OXR1: variants seen among roughly 807,000 people sequenced by gnomAD.
OXR1 encodes oxidation resistance protein 1.
A neutral mutation model predicts 104.6 loss-of-function variants in OXR1; 41 were observed. The ratio of observed to expected loss-of-function variants is 0.39; its 90% CI spans 0.31 to 0.51. OXR1 has a LOEUF of 0.51. Among genes scored for constraint, OXR1 ranks in the 20% least tolerant of loss-of-function variants. The pLI, the probability that OXR1 is intolerant of heterozygous loss-of-function variation, is 0.77. For missense variants in OXR1, 955 were observed against 1,031.9 expected (o/e 0.93, Z 1.02); for synonymous variants, 348 against 348.4 (o/e 1.00, Z 0.01).
intron 1 of OXR1, among the ~76,000 whole-genome samples, chr8:106,304,641 A>C (rs1314276090): frequency 6.6e-6 from 1 of 152,192 alleles, no homozygotes; most frequent in Non-Finnish European, 1.5e-5. Flanking sequence ...ACAAAAAAGC[A>C]TTACTGCAAT....
intron 3 of OXR1, among the ~76,000 whole-genome samples, chr8:106,595,366 A>T (rs753697874): frequency 2.4e-4 from 36 of 152,180 alleles, no homozygotes; most frequent in Non-Finnish European, 4.7e-4. Flanking sequence ...CCTGGCCAAC[A>T]TAGCGAAACC....
At chr8:106,366,245 A>G (rs1278121618) in intron 2 of OXR1, among the ~76,000 whole-genome samples, 8 of 152,228 alleles carry the variant, frequency 5.3e-5, no homozygotes, top group Non-Finnish European at 7.3e-5. Flanking sequence ...AAGACTTTTC[A>G]TCATTCTCAA....
At chr8:106,422,463 A>T (rs1390621487) in intron 2 of OXR1, among the ~76,000 whole-genome samples, 2 of 152,218 alleles carry the variant, frequency 1.3e-5, no homozygotes, top group Non-Finnish European at 2.9e-5. Context: ...TTAGAAAAAG[A>T]CAATAAATAT....
At chr8:106,522,221 TTGG>T (rs1813314250) in intron 3 of OXR1, among the ~76,000 whole-genome samples, 1 of 152,144 alleles carries the variant, frequency 6.6e-6, no homozygotes. Context: ...GTAGAGGGGA[TTGG>T]TTCCAGAACC....
chr8:106,312,683 G>A (rs1813759495), intron 1 of OXR1, among the ~76,000 whole-genome samples: 1 of 152,172 alleles, frequency 6.6e-6, no homozygotes, highest in Non-Finnish European at 1.5e-5. Context: ...AAGTCTTATG[G>A]TGTTACTTGT....
chr8:106,492,227 ACTG>A (rs1205953316), intron 2 of OXR1, among the ~76,000 whole-genome samples: 2 of 152,150 alleles, frequency 1.3e-5, no homozygotes, highest in Non-Finnish European at 2.9e-5. Context: ...TTACTTTCTG[ACTG>A]CTATTTAACT....
chr8:106,298,347 G>C (rs544280267), intron 1 of OXR1, among the ~76,000 whole-genome samples: 7 of 152,154 alleles, frequency 4.6e-5, no homozygotes, highest in Non-Finnish European at 1.5e-5. Context: ...GCAAGAGAAC[G>C]TGTGCCGGGG....
At chr8:106,655,506 G>A (rs1824974882) in intron 3 of OXR1, among the ~76,000 whole-genome samples, 2 of 151,950 alleles carry the variant, frequency 1.3e-5, no homozygotes, top group Admixed American at 6.6e-5. Flanking sequence ...AGAAAATCTG[G>A]AAGAAAGGCA....
chr8:106,457,567 A>G (rs1820669841), intron 2 of OXR1, among the ~76,000 whole-genome samples: 1 of 152,228 alleles, frequency 6.6e-6, no homozygotes, highest in South Asian at 2.1e-4. Flanking sequence ...GGAAGAATTC[A>G]GAGGAGCAGG....
intron 7 of OXR1, among the ~76,000 whole-genome samples, chr8:106,699,294 G>T (rs1372166521): frequency 6.6e-6 from 1 of 152,290 alleles, no homozygotes; most frequent in East Asian, 1.9e-4. Context: ...ATACATGTAG[G>T]TGGTAATCAG....
At chr8:106,516,457 G>T (rs1490613121) in intron 2 of OXR1, among the ~76,000 whole-genome samples, 4 of 152,132 alleles carry the variant, frequency 2.6e-5, no homozygotes, top group Admixed American at 6.5e-5. Context: ...CCAGAACAGT[G>T]TAGGGTGGAG....
intron 2 of OXR1, among the ~76,000 whole-genome samples, chr8:106,373,742 A>T (rs1024259586): frequency 1.3e-5 from 2 of 152,124 alleles, no homozygotes; most frequent in African/African-American, 4.8e-5. Flanking sequence ...AGTGTGTGCC[A>T]TCACACCTGG....
chr8:106,321,995 A>G lies in OXR1; in HGVS notation c.-138-37481A>G, dbSNP rs115836444. The stretch of plus-strand genomic sequence containing the variant: ...AACTTTATTATATGAGAAAATAAGA[A>G]AATAGTATATGATGCAGAGGAAAAA... On this transcript the variant is annotated intron_variant, in intron 1 of 16. Transcript: ENST00000517566. 4.7e-3 allele frequency among the ~76,000 whole-genome samples: 721 copies of G among 152,352 alleles called. 3 individuals carry two copies. The highest frequency in any genetic ancestry group is 0.015 in the African/African-American group (630 of 41,588).
chr8:106,723,659 A>G (rs565068211), intron 11 of OXR1, among the ~76,000 whole-genome samples: 1 of 148,676 alleles, frequency 6.7e-6, no homozygotes, highest in Non-Finnish European at 1.5e-5. Flanking sequence ...GCAACAGAGC[A>G]ATACTCCATC....
intron 3 of OXR1, chr8:106,618,095 A>G (rs1026122411): frequency 2.0e-6 from 3 of 1,535,414 alleles, no homozygotes; most frequent in Non-Finnish European, 2.6e-6. Flanking sequence ...CAGGAATCAA[A>G]ATTCCTGTCT....
At chr8:106,741,842 C>T (rs992116356) in intron 14 of OXR1, among the ~76,000 whole-genome samples, 2 of 152,034 alleles carry the variant, frequency 1.3e-5, no homozygotes, top group Non-Finnish European at 2.9e-5. Context: ...GAATGTTTCC[C>T]TATACTGAAG....
chr8:106,662,095 A>G (rs1023889051), intron 3 of OXR1, among the ~76,000 whole-genome samples: 9 of 152,228 alleles, frequency 5.9e-5, no homozygotes, highest in South Asian at 2.1e-4. Context: ...GGCTACTCCT[A>G]TGCAGAAGTG....
In OXR1 at chr8:106,519,085, A is replaced by G; in HGVS notation, c.166A>G (p.Asn56Asp). 6.4e-7 allele frequency: 1 copy of G among 1,552,212 alleles called. No homozygotes were observed. Among genetic ancestry groups the G allele is most frequent in the Non-Finnish European group, 8.7e-7 (1 of 1,147,068 alleles). ...IIEEEQNNAA[N>D]TQKHPSRRSE... ...TGAAGAAGAGCAGAACAATGCAGCAAATACTCAGAAACATCCTTCCAGAAG... is the reference window on the plus strand; with the variant it reads ...TGAAGAAGAGCAGAACAATGCAGCAGATACTCAGAAACATCCTTCCAGAAG... The change falls in exon 3 of 17, where the codon AAT becomes GAT. Residue 56 changes from asparagine (N) to aspartate (D), a missense_variant. Asn to Asp is a conservative substitution (Grantham distance 23, BLOSUM62 1). This residue lies in a region of OXR1 where 849 missense variants were observed against 852.9 expected (regional missense o/e 1.00). Transcript: ENST00000517566.
chr8:106,487,341 T>TTTC (rs1563554885), intron 2 of OXR1, among the ~76,000 whole-genome samples: 1 of 146,418 alleles, frequency 6.8e-6, no homozygotes, highest in Non-Finnish European at 1.5e-5. Context: ...AGGTATTTCT[T>TTTC]TTTTTTTTTT....
Sources: gnomAD v4.1 joint callset for allele counts (sites outside exome capture counted in the v4.1 genomes callset) on GRCh38, gnomAD v4.1.1 for gene constraint, gnomAD v4.1.1 regional missense constraint, MANE v1.5 for transcripts, NCBI Gene and HGNC (gene_info 2026-07-23, HGNC 2026-07-21) for gene names.